HIVEP3: variants seen among roughly 807,000 people sequenced by gnomAD.
HIVEP3 encodes the protein transcription factor HIVEP3.
HIVEP3 carries 49 observed loss-of-function variants against 152.8 expected under a neutral mutation model. The ratio of observed to expected loss-of-function variants is 0.32; its 90% confidence interval spans 0.26 to 0.41. HIVEP3 has a LOEUF of 0.41. Ranked by LOEUF, HIVEP3 falls within the 10% of genes least tolerant of loss-of-function variation. The pLI is 1.00. For synonymous variants in HIVEP3, 1,269 were observed against 1,289.0 expected, an observed-to-expected ratio of 0.98 and a Z score of 0.33; for missense variants, 2,790 against 3,103.3, an observed-to-expected ratio of 0.90 and a Z score of 2.40.
chr1:41,664,858 C>T lies in HIVEP3; in HGVS notation c.-720-35911G>A, dbSNP rs146840895. 9.9e-3 allele frequency among the ~76,000 whole-genome samples: 1,504 copies of T among 152,276 alleles called. 27 individuals carry two copies. The highest frequency in any genetic ancestry group is 0.036 in the Admixed American group (548 of 15,300). ...CAGCCATCAGGGAGCCTGGGATATC[C>T]CCATGCCAACCCCCCAAAACACGGA... On this transcript the variant is annotated intron_variant, in intron 2 of 8. Coordinates refer to ENST00000372583, the MANE Select transcript of HIVEP3 (RefSeq NM_024503.5). The surrounding 1 kb of genome is among the most constrained non-coding windows in gnomAD (Gnocchi z 4.4).
At chr1:41,915,137 A>T (rs1444760375) in intron 1 of HIVEP3, among the ~76,000 whole-genome samples, 1 of 11,270 alleles carries the variant, frequency 8.9e-5, no homozygotes, top group East Asian at 0.025. Context: ...AGAATCATGC[A>T]AAAAAAAAAA....
Position 41,918,494 on chromosome 1 carries a change from G to A in HIVEP3, c.-882C>T, listed in dbSNP as rs887328054. ...CTTCTTCATGAATTATTCCGGCCAG[G>A]CAGGATTTTGTGCATTTTTTTCATG... On this transcript the variant is annotated 5_prime_UTR_variant, in exon 1 of 9. Transcript: ENST00000372583. This position sits in a 1 kb window ranked among gnomAD's most constrained non-coding sequence, Gnocchi z 4.3. 2.0e-5 allele frequency: 3 copies of A among 152,186 alleles called. No individual in the cohort carries two copies. The highest frequency in any genetic ancestry group is 7.2e-5 in the African/African-American group (3 of 41,432). 9.4% of individuals were successfully genotyped at this position (152,186 alleles called of 1,614,324 possible). A position where few individuals can be genotyped will look rare whatever the true frequency, so the allele number is the denominator to read the frequency against.
intron 1 of HIVEP3, among the ~76,000 whole-genome samples, chr1:41,804,911 T>C (rs1650511370): frequency 2.0e-5 from 3 of 152,298 alleles, no homozygotes; most frequent in South Asian, 2.1e-4. Flanking sequence ...AAAAAAAATA[T>C]ATACTCAGAA....
At chr1:41,962,250 G>A (rs1645173457) in intron 1 of HIVEP3, among the ~76,000 whole-genome samples, 1 of 152,190 alleles carries the variant, frequency 6.6e-6, no homozygotes, top group Admixed American at 6.5e-5. Context: ...ACAGAAGAGA[G>A]GCCAGGCCCA....
chr1:41,773,229 G>C (rs1211013839), intron 1 of HIVEP3, among the ~76,000 whole-genome samples: 1 of 152,216 alleles, frequency 6.6e-6, no homozygotes, highest in Non-Finnish European at 1.5e-5. Flanking sequence ...AGAAACTGGA[G>C]CACACAAGAG....
intron 3 of HIVEP3, among the ~76,000 whole-genome samples, chr1:41,624,839 T>G (rs1246730101): frequency 1.3e-5 from 2 of 152,212 alleles, no homozygotes; most frequent in Admixed American, 1.3e-4. Context: ...GTTAACAATC[T>G]GTCACCATTC....
intron 3 of HIVEP3, among the ~76,000 whole-genome samples, chr1:41,618,289 C>T (rs1274452175): frequency 6.6e-6 from 1 of 152,226 alleles, no homozygotes; most frequent in Non-Finnish European, 1.5e-5. Flanking sequence ...TTATGCAATG[C>T]CGGGCCAGGA....
chr1:41,727,015 G>A (rs1419377878), intron 1 of HIVEP3, among the ~76,000 whole-genome samples: 2 of 152,198 alleles, frequency 1.3e-5, no homozygotes, highest in African/African-American at 4.8e-5. Flanking sequence ...TGGTGTCTCA[G>A]CGCGGGAGGC....
chr1:41,751,674 T>C (rs1221685696), intron 1 of HIVEP3, among the ~76,000 whole-genome samples: 1 of 152,194 alleles, frequency 6.6e-6, no homozygotes, highest in African/African-American at 2.4e-5. Context: ...GAGATGCTAC[T>C]GCCCTTTGGG....
intron 1 of HIVEP3, among the ~76,000 whole-genome samples, chr1:41,710,090 GGCAGAGTGTTGGTCCAGCACTCT>G (rs1437320633): frequency 6.6e-6 from 1 of 152,112 alleles, no homozygotes; most frequent in Non-Finnish European, 1.5e-5. Flanking sequence ...TCAAGTTCAA[GGCAGAGTGTTGGTCCAGCACTCT>G]GCCCTCCATC....
intron 1 of HIVEP3, among the ~76,000 whole-genome samples, chr1:41,841,056 A>G (rs981176853): frequency 1.5e-4 from 23 of 152,152 alleles, no homozygotes; most frequent in Admixed American, 6.6e-5. Context: ...CCCACCTATT[A>G]GTGGCAGTAT....
At chr1:41,981,021 G>A (rs974511624) in intron 1 of HIVEP3, among the ~76,000 whole-genome samples, 2 of 152,174 alleles carry the variant, frequency 1.3e-5, no homozygotes, top group Non-Finnish European at 2.9e-5. Flanking sequence ...AGTGGGTATC[G>A]TTGCACAGCT....
intron 5 of HIVEP3, among the ~76,000 whole-genome samples, chr1:41,564,656 C>A (rs1644133394): frequency 6.6e-6 from 1 of 152,138 alleles, no homozygotes; most frequent in Non-Finnish European, 1.5e-5. Flanking sequence ...ATGATTTCCA[C>A]CCCAGAATTC....
intron 5 of HIVEP3, among the ~76,000 whole-genome samples, chr1:41,534,463 G>A (rs1239271274): frequency 3.3e-5 from 5 of 151,950 alleles, no homozygotes; most frequent in African/African-American, 1.2e-4. Flanking sequence ...CCAGAAATTT[G>A]CACCAAGGTC....
intron 1 of HIVEP3, among the ~76,000 whole-genome samples, chr1:41,902,107 T>G (rs1644634807): frequency 6.6e-6 from 1 of 151,472 alleles, no homozygotes; most frequent in Admixed American, 6.6e-5. Flanking sequence ...GGAGGAGGGG[T>G]GGGTTACTGT....
chr1:41,881,623 T>G (rs1452303242), intron 1 of HIVEP3, among the ~76,000 whole-genome samples: 1 of 152,206 alleles, frequency 6.6e-6, no homozygotes, highest in Non-Finnish European at 1.5e-5. Context: ...TAGTTCTACT[T>G]TATTAATAGA....
intron 1 of HIVEP3, among the ~76,000 whole-genome samples, chr1:41,924,789 T>G (rs1644959693): frequency 6.6e-6 from 1 of 152,226 alleles, no homozygotes; most frequent in Admixed American, 6.5e-5. Flanking sequence ...TTTTTCTCAC[T>G]GATTTTTGTT....
chr1:41,960,962 T>C (rs977748850), intron 1 of HIVEP3, among the ~76,000 whole-genome samples: 2 of 152,198 alleles, frequency 1.3e-5, no homozygotes, highest in African/African-American at 2.4e-5. Context: ...AGAGTTGGGA[T>C]CCATGTCTCT....
intron 1 of HIVEP3, among the ~76,000 whole-genome samples, chr1:41,999,987 A>T (rs1281616486): frequency 6.6e-6 from 1 of 152,160 alleles, no homozygotes; most frequent in Non-Finnish European, 1.5e-5. Context: ...GGAATCTTTT[A>T]ATCACAGTTG....
Sources: gnomAD v4.1 joint callset for allele counts (sites outside exome capture counted in the v4.1 genomes callset) on GRCh38, gnomAD v4.1.1 for gene constraint, Gnocchi (gnomAD v3.1) non-coding constraint, MANE v1.5 for transcripts, NCBI Gene and HGNC (gene_info 2026-07-23, HGNC 2026-07-21) for gene names.